Variants in LTBP1 observed in about 807,000 individuals in gnomAD.
LTBP1 encodes latent-transforming growth factor beta-binding protein 1.
A neutral mutation model predicts 207.6 loss-of-function variants in LTBP1; 129 were observed. The ratio of observed to expected loss-of-function variants is 0.62; its 90% CI spans 0.54 to 0.72. LTBP1 has a LOEUF of 0.72. Among genes scored for constraint, LTBP1 ranks in the 30% least tolerant of loss-of-function variants. The pLI is 0.00. For missense variants in LTBP1, 2,281 were observed against 2,217.2 expected (o/e 1.03, Z -0.58); for synonymous variants, 963 against 833.7 (o/e 1.16, Z -2.67).
At chr2:33,150,710 C>CTTTTTTTTTT (rs1176008947) in intron 5 of LTBP1, among the ~76,000 whole-genome samples, 7 of 69,278 alleles carry the variant, frequency 1.0e-4, no homozygotes, top group South Asian at 6.2e-4. Flanking sequence ...TTTTCTTTTT[C>CTTTTTTTTTT]TTTTTTTTTT....
chr2:33,379,948 AT>A (rs1283779779), intron 31 of LTBP1, among the ~76,000 whole-genome samples: 1 of 152,262 alleles, frequency 6.6e-6, no homozygotes, highest in Non-Finnish European at 1.5e-5. Flanking sequence ...CTTTAAAAAA[AT>A]AAGCAAGATT....
chr2:33,055,651 A>G (rs974529704), intron 3 of LTBP1, among the ~76,000 whole-genome samples: 2 of 152,218 alleles, frequency 1.3e-5, no homozygotes, highest in Admixed American at 6.5e-5. Context: ...TAACAGTAGC[A>G]TGACATCTCT....
chr2:33,023,977 C>T (rs1354015054), intron 3 of LTBP1, among the ~76,000 whole-genome samples: 1 of 152,190 alleles, frequency 6.6e-6, no homozygotes, highest in African/African-American at 2.4e-5. Flanking sequence ...GATTAAGCCT[C>T]CTTAAAGTAT....
intron 3 of LTBP1, among the ~76,000 whole-genome samples, chr2:33,025,239 G>C (rs918270342): frequency 2.0e-5 from 3 of 152,186 alleles, no homozygotes; most frequent in African/African-American, 7.2e-5. Flanking sequence ...GGGGGTAGAA[G>C]TATGCTGCAC....
intron 5 of LTBP1, among the ~76,000 whole-genome samples, chr2:33,186,350 T>C (rs961373609): frequency 6.6e-6 from 1 of 152,166 alleles, no homozygotes; most frequent in African/African-American, 2.4e-5. Flanking sequence ...AATCACATCA[T>C]GGAGAATGAG....
At chr2:33,105,370 A>C (rs2080000606) in intron 3 of LTBP1, among the ~76,000 whole-genome samples, 1 of 152,242 alleles carries the variant, frequency 6.6e-6, no homozygotes, top group Non-Finnish European at 1.5e-5. Context: ...TTTAAATTAA[A>C]ATGTAAAAAT....
chr2:33,376,808 C>T (rs933023788), intron 31 of LTBP1, among the ~76,000 whole-genome samples: 16 of 152,066 alleles, frequency 1.1e-4, no homozygotes, highest in Non-Finnish European at 1.9e-4. Context: ...TATGGATGGT[C>T]AGGGCCTCCT....
At chr2:32,954,468 G>C (rs1301988377) in intron 2 of LTBP1, among the ~76,000 whole-genome samples, 2 of 151,842 alleles carry the variant, frequency 1.3e-5, no homozygotes, top group Non-Finnish European at 2.9e-5. Context: ...ACATTGTCTT[G>C]TGTGTGTGTC....
chr2:33,209,187 T>G (rs2090111361), intron 7 of LTBP1, among the ~76,000 whole-genome samples: 1 of 152,102 alleles, frequency 6.6e-6, no homozygotes, highest in Non-Finnish European at 1.5e-5. Context: ...TTTCTACTAT[T>G]GCACCCTGAC....
chr2:33,320,786 A>T (rs2149332642), intron 24 of LTBP1, among the ~76,000 whole-genome samples: 1 of 152,348 alleles, frequency 6.6e-6, no homozygotes, highest in South Asian at 2.1e-4. Flanking sequence ...GTAAGAGTTC[A>T]TCAGTCATAA....
At chr2:32,976,544 GC>G in intron 2 of LTBP1, among the ~76,000 whole-genome samples, 1 of 152,354 alleles carries the variant, frequency 6.6e-6, no homozygotes, top group South Asian at 2.1e-4. Context: ...GTACTGCAAA[GC>G]TTTTTTGTTT....
At chr2:33,060,929 A>G (rs2077241848) in intron 3 of LTBP1, among the ~76,000 whole-genome samples, 1 of 152,162 alleles carries the variant, frequency 6.6e-6, no homozygotes, top group Admixed American at 6.5e-5. Flanking sequence ...GCAAACAATT[A>G]TATGAATCAA....
chr2:33,058,732 T>G (rs895528819), intron 3 of LTBP1, among the ~76,000 whole-genome samples: 3 of 152,250 alleles, frequency 2.0e-5, no homozygotes, highest in Non-Finnish European at 4.4e-5. Flanking sequence ...TCTCTCAAGT[T>G]TTTTGATTAT....
rs2094248770 is a variant in LTBP1, at chr2:33,315,126, C to T, written c.3605-18C>T. 5 of 1,584,216 alleles carry T rather than the reference C, an allele frequency of 3.2e-6. No individual in the cohort carries two copies. The highest frequency in any genetic ancestry group is 4.3e-6 in the Non-Finnish European group (5 of 1,171,820). On this transcript the variant is annotated intron_variant, in intron 23 of 33. Coordinates refer to ENST00000404816, the MANE Select transcript of LTBP1 (RefSeq NM_206943.4). ...ACCGATTTTTTTCAAGTTTTTAAGA[C>T]TCTATTTTAAATTACAGATATTAAT...
intron 5 of LTBP1, among the ~76,000 whole-genome samples, chr2:33,148,640 T>C (rs891404379): frequency 2.0e-5 from 3 of 152,204 alleles, no homozygotes; most frequent in African/African-American, 4.8e-5. Flanking sequence ...CCATCTCCAA[T>C]TCTCTTATTT....
chr2:33,397,075 A>G, intron 32 of LTBP1, 58 bp from the exon 33 acceptor site: 2 of 1,495,206 alleles, frequency 1.3e-6, no homozygotes, highest in Non-Finnish European at 1.8e-6. Context: ...AATATCATTT[A>G]CAAAATGATA....
At chr2:33,107,195 C>T (rs544897808) in intron 3 of LTBP1, among the ~76,000 whole-genome samples, 1 of 152,286 alleles carries the variant, frequency 6.6e-6, no homozygotes, top group Admixed American at 6.5e-5. Flanking sequence ...TAAACACTGT[C>T]TTGTAAAATT....
intron 4 of LTBP1, among the ~76,000 whole-genome samples, chr2:33,127,014 A>G (rs2081473873): frequency 6.6e-6 from 1 of 152,242 alleles, no homozygotes. Flanking sequence ...AAAAATGTTC[A>G]TATCTTTGAC....
At chr2:32,976,809 C>G (rs1033572316) in intron 2 of LTBP1, among the ~76,000 whole-genome samples, 1 of 152,232 alleles carries the variant, frequency 6.6e-6, no homozygotes, top group East Asian at 1.9e-4. Context: ...CATCTTCTCT[C>G]ACTGACCTGA....
Sources: allele counts gnomAD v4.1 joint callset (sites outside exome capture counted in the v4.1 genomes callset), GRCh38; gene constraint gnomAD v4.1.1; transcripts MANE v1.5; gene names NCBI Gene and HGNC (gene_info 2026-07-23, HGNC 2026-07-21).